Variants in RBKS observed in about 807,000 individuals in gnomAD.
The protein encoded by RBKS is ribokinase.
RBKS carries 33 observed loss-of-function variants against 33.9 expected under a neutral mutation model. The observed-to-expected ratio is 0.97, with a 90% confidence interval of 0.74 to 1.30. The LOEUF (loss-of-function observed/expected upper bound fraction) is 1.30, where lower values mean the gene tolerates loss of function less well. Among genes scored for constraint, RBKS ranks in the 50% most tolerant of loss-of-function variants. The probability of loss-of-function intolerance (pLI) is 0.00; values close to 1 mark genes in which losing one functional copy is unlikely to be tolerated. For synonymous variants in RBKS, 125 were observed against 143.0 expected (o/e 0.87, Z 0.90); for missense variants, 361 against 392.6 (o/e 0.92, Z 0.68).
intron 7 of RBKS, among the ~76,000 whole-genome samples, chr2:27,793,521 A>T (rs1361165052): frequency 6.6e-6 from 1 of 152,238 alleles, no homozygotes; most frequent in Non-Finnish European, 1.5e-5. Context: ...TCCTGCCTCA[A>T]ATGCGTAAGA....
rs549400034 is a variant in RBKS at position 27,875,033 on chromosome 2, G to A, written c.89+15224C>T. Reference sequence around the variant, plus strand: ...ACAGAAAAATGGACAAAGGACCCATGGCTGGCAACTCACAAAAGAAACACA... The same window carrying A: ...ACAGAAAAATGGACAAAGGACCCATAGCTGGCAACTCACAAAAGAAACACA... On this transcript the variant is annotated intron_variant, in intron 1 of 7. Coordinates refer to ENST00000302188, the MANE Select transcript of RBKS (RefSeq NM_022128.3). Among the ~76,000 whole-genome samples, 6 of 152,288 alleles carry A rather than the reference G, an allele frequency of 3.9e-5. No homozygotes were observed. In the East Asian group the frequency reaches 9.6e-4, roughly 24 times the overall value.
In RBKS at chr2:27,795,862, G is replaced by A. The variant is rs1048692772; in HGVS notation, c.796-14074C>T. Among the ~76,000 whole-genome samples, 2 of 152,166 alleles carry A rather than the reference G, an allele frequency of 1.3e-5. No homozygotes were observed. The highest frequency in any genetic ancestry group is 4.8e-5 in the African/African-American group (2 of 41,428). On this transcript the variant is annotated intron_variant, in intron 7 of 7. Transcript: ENST00000302188. The surrounding 1 kb of genome is among the most constrained non-coding windows in gnomAD (Gnocchi z 4.1). ...GGACTCTGAGTTCATTGTGCTGAACGTTTTCTGTACAAGCCTTCGCTCTGG... is the reference window on the plus strand; with the variant it reads ...GGACTCTGAGTTCATTGTGCTGAACATTTTCTGTACAAGCCTTCGCTCTGG...
chr2:27,792,995 C>T (rs899014936), intron 7 of RBKS, among the ~76,000 whole-genome samples: 1 of 152,126 alleles, frequency 6.6e-6, no homozygotes, highest in Non-Finnish European at 1.5e-5. Context: ...ATGGCCAAAC[C>T]CACATCAGGA....
At chr2:27,832,465 G>C (rs924266067) in intron 6 of RBKS, among the ~76,000 whole-genome samples, 3 of 152,140 alleles carry the variant, frequency 2.0e-5, no homozygotes, top group Non-Finnish European at 2.9e-5. Flanking sequence ...ACTGAGGTTT[G>C]ATAAGTGCCA....
chr2:27,851,758 C>T lies in RBKS; in HGVS notation c.223-3661G>A, dbSNP rs1247668133. ...TTCACCATGTTAGCCAGGGTGGTCT[C>T]GAACTCCTGACCTCAGGTGATCTGC... On this transcript the variant is annotated intron_variant, in intron 2 of 7. Transcript: ENST00000302188. Among the ~76,000 whole-genome samples, 7 of 151,982 alleles carry T rather than the reference C, an allele frequency of 4.6e-5. No homozygotes were observed. In the South Asian group the frequency reaches 1.2e-3, roughly 27 times the overall value.
At chr2:27,840,199 T>G (rs938295404) in intron 5 of RBKS, among the ~76,000 whole-genome samples, 4 of 151,720 alleles carry the variant, frequency 2.6e-5, no homozygotes, top group African/African-American at 9.7e-5. Context: ...TTTTTGTATT[T>G]TGAGTAGAGA....
intron 7 of RBKS, among the ~76,000 whole-genome samples, chr2:27,807,101 C>A (rs1677911573): frequency 1.3e-5 from 2 of 152,152 alleles, no homozygotes; most frequent in African/African-American, 4.8e-5. Context: ...AAATAAAGAG[C>A]TCCAAAAAGG....
At chr2:27,884,166 C>G (rs1664477667) in intron 1 of RBKS, among the ~76,000 whole-genome samples, 1 of 152,180 alleles carries the variant, frequency 6.6e-6, no homozygotes, top group South Asian at 2.1e-4. Context: ...CAAGAGGCTT[C>G]TTGACTCTGT....
chr2:27,887,441 A>T (rs1237072085), intron 1 of RBKS, among the ~76,000 whole-genome samples: 1 of 152,244 alleles, frequency 6.6e-6, no homozygotes, highest in Admixed American at 6.5e-5. Flanking sequence ...GTAATTTGTT[A>T]CAGCAGCAGT....
chr2:27,787,816 T>C (rs1677431538), intron 7 of RBKS, among the ~76,000 whole-genome samples: 1 of 152,142 alleles, frequency 6.6e-6, no homozygotes, highest in African/African-American at 2.4e-5. Flanking sequence ...CCTTTGTGAA[T>C]ATAGATGTAA....
chr2:27,833,340 A>T (rs974593097), intron 5 of RBKS, among the ~76,000 whole-genome samples: 1 of 152,178 alleles, frequency 6.6e-6, no homozygotes, highest in Non-Finnish European at 1.5e-5. Context: ...TCCTGCAAAC[A>T]TATGCACTTA....
chr2:27,781,564 C>T lies in RBKS; in HGVS notation c.*51G>A. On this transcript the variant is annotated 3_prime_UTR_variant, in exon 8 of 8. Transcript: ENST00000302188. ...AATAAGCATTAGCCAGGAGCAGCCA[C>T]CCCCAAGTACATTTTATTCCCAGGT... 6.9e-7 allele frequency: 1 copy of T among 1,450,834 alleles called. No individual in the cohort carries two copies. The highest frequency in any genetic ancestry group is 9.3e-7 in the Non-Finnish European group (1 of 1,074,426). The allele number at this position is 1,450,834 out of a possible 1,614,324, so 89.9% of individuals were successfully genotyped here. A position where few individuals can be genotyped will look rare whatever the true frequency, so the allele number is the denominator to read the frequency against.
At chr2:27,863,444 T>C (rs185037632) in intron 1 of RBKS, among the ~76,000 whole-genome samples, 1 of 152,360 alleles carries the variant, frequency 6.6e-6, no homozygotes, top group East Asian at 1.9e-4. Context: ...AATGCCTGGG[T>C]TTTGTGCTCT....
chr2:27,859,733 A>C (rs983987952), intron 1 of RBKS, among the ~76,000 whole-genome samples: 2 of 152,230 alleles, frequency 1.3e-5, no homozygotes, highest in African/African-American at 4.8e-5. Context: ...GATAGGAAAG[A>C]AAGGTAAAGA....
rs1224725145 is a variant in RBKS, at chr2:27,844,280, AG to A, written c.350-1050del. 6.4e-3 allele frequency among the ~76,000 whole-genome samples: 959 copies of A among 150,684 alleles called. 10 individuals carry two copies. Among genetic ancestry groups the A allele is most frequent in the African/African-American group, 0.022 (901 of 40,422 alleles). The stretch of plus-strand genomic sequence containing the variant: ...CTGTCTCAGAAAAAAAAAAAAAAAA[AG>A]AAATGTGGCTAGTCCACTGAGGTGT... On this transcript the variant is annotated intron_variant, in intron 4 of 7. Coordinates refer to ENST00000302188, the MANE Select transcript of RBKS (RefSeq NM_022128.3).
intron 7 of RBKS, among the ~76,000 whole-genome samples, chr2:27,784,666 T>C (rs926665734): frequency 6.6e-6 from 1 of 152,150 alleles, no homozygotes; most frequent in Non-Finnish European, 1.5e-5. Flanking sequence ...AGTGAGCTCA[T>C]GAGACCATGA....
chr2:27,872,599 A>G (rs769246320), intron 1 of RBKS, among the ~76,000 whole-genome samples: 2 of 152,222 alleles, frequency 1.3e-5, no homozygotes, highest in African/African-American at 2.4e-5. Context: ...GCACCACAGG[A>G]AAGGGAGAAA....
intron 5 of RBKS, among the ~76,000 whole-genome samples, chr2:27,840,327 TACAC>T (rs544313433): frequency 0.011 from 1,320 of 117,876 alleles, 11 homozygotes; most frequent in South Asian, 0.064. Context: ...GATGATGCAT[TACAC>T]ACACACACAC....
intron 1 of RBKS, among the ~76,000 whole-genome samples, chr2:27,879,809 C>A (rs976886882): frequency 6.6e-6 from 1 of 152,140 alleles, no homozygotes; most frequent in Non-Finnish European, 1.5e-5. Flanking sequence ...AATCCTTGAA[C>A]AGACCAACAA....
Sources: gnomAD v4.1 joint callset for allele counts (sites outside exome capture counted in the v4.1 genomes callset) on GRCh38, gnomAD v4.1.1 for gene constraint, Gnocchi (gnomAD v3.1) non-coding constraint, MANE v1.5 for transcripts, NCBI Gene and HGNC (gene_info 2026-07-23, HGNC 2026-07-21) for gene names.